Variants in NEO1 observed in about 807,000 individuals in gnomAD.
The protein encoded by NEO1 is neogenin.
Under a neutral mutation model 159.7 loss-of-function variants are expected in NEO1, and 63 were observed. The observed-to-expected ratio is 0.39, with a 90% CI of 0.32 to 0.49. The LOEUF (loss-of-function observed/expected upper bound fraction) is 0.49, where lower values mean the gene tolerates loss of function less well. NEO1 is among the 20% of genes least tolerant of loss of function. NEO1 has a pLI of 0.85. For synonymous variants in NEO1, 633 were observed against 662.0 expected, an observed-to-expected ratio of 0.96 and a Z score of 0.67; for missense variants, 1,615 against 1,831.0, an observed-to-expected ratio of 0.88 and a Z score of 2.15.
In NEO1 at chr15:73,298,391, T is replaced by A; in HGVS notation, c.3945T>A (p.Ser1315=). 1.9e-6 allele frequency: 3 copies of A among 1,614,220 alleles called. No homozygotes were observed. Among genetic ancestry groups the A allele is most frequent in the Non-Finnish European group, 2.5e-6 (3 of 1,180,032 alleles). ...NTPSTDTMPA[S]SSQTCCTDHQ... ...CCAGCACTGACACCATGCCAGCCTC[T>A]TCGTCTCAAACATGCTGCACTGATC... Residue 1315 remains serine, a synonymous_variant, in exon 27 of 29, where the codon TCT becomes TCA. Coordinates refer to ENST00000261908, the MANE Select transcript of NEO1 (RefSeq NM_002499.4).
Position 73,074,564 on chromosome 15 carries a change from G to A in NEO1, c.130+21759G>A, listed in dbSNP as rs116229838. ...ATAATATTATACAGTGTAATAAAATGGGTTTTCGATGTGTGAGGATACCCT... is the reference window on the plus strand; with the variant it reads ...ATAATATTATACAGTGTAATAAAATAGGTTTTCGATGTGTGAGGATACCCT... On this transcript the variant is annotated intron_variant, in intron 1 of 28. Transcript: ENST00000261908. Among the ~76,000 whole-genome samples the A allele has an allele frequency of 8.6e-3, 1,304 of 152,248 alleles. 22 individuals carry two copies. The highest frequency in any genetic ancestry group is 0.03 in the African/African-American group (1,229 of 41,544).
chr15:73,214,404 G>C (rs147208024), intron 7 of NEO1, among the ~76,000 whole-genome samples: 178 of 152,300 alleles, frequency 1.2e-3, no homozygotes, highest in African/African-American at 4.0e-3. Flanking sequence ...TATAGTGTCA[G>C]GTCTTAGATT....
intron 1 of NEO1, among the ~76,000 whole-genome samples, chr15:73,094,514 T>C (rs1383835716): frequency 1.3e-5 from 2 of 152,244 alleles, no homozygotes; most frequent in African/African-American, 4.8e-5. Flanking sequence ...CTATTATGAA[T>C]AATGCTGCAA....
intron 5 of NEO1, among the ~76,000 whole-genome samples, chr15:73,158,658 G>C (rs1367338867): frequency 6.6e-6 from 1 of 151,944 alleles, no homozygotes; most frequent in Non-Finnish European, 1.5e-5. Context: ...CCAAAATTCT[G>C]GGATTACAGT....
intron 9 of NEO1, among the ~76,000 whole-genome samples, chr15:73,247,798 A>G (rs1044341077): frequency 6.6e-6 from 1 of 152,230 alleles, no homozygotes; most frequent in Non-Finnish European, 1.5e-5. Context: ...GGATTTGTGT[A>G]TAAATTGGAA....
At chr15:73,222,482 G>A (rs1012357944) in intron 7 of NEO1, among the ~76,000 whole-genome samples, 1 of 152,008 alleles carries the variant, frequency 6.6e-6, no homozygotes, top group African/African-American at 2.4e-5. Flanking sequence ...TTAAAGCTAG[G>A]AGGGTTGTAC....
chr15:73,183,654 C>T (rs978158330), intron 7 of NEO1, among the ~76,000 whole-genome samples: 1 of 152,124 alleles, frequency 6.6e-6, no homozygotes, highest in African/African-American at 2.4e-5. Flanking sequence ...AGAATCCTAG[C>T]TGCCTCAACC....
At chr15:73,061,242 G>A (rs1336664981) in intron 1 of NEO1, among the ~76,000 whole-genome samples, 2 of 152,170 alleles carry the variant, frequency 1.3e-5, no homozygotes, top group East Asian at 3.9e-4. Context: ...CTTAAAATAA[G>A]CGTAAGAACA....
intron 7 of NEO1, among the ~76,000 whole-genome samples, chr15:73,220,885 C>G (rs1424387403): frequency 1.3e-5 from 2 of 152,178 alleles, no homozygotes; most frequent in African/African-American, 4.8e-5. Context: ...CCTCCTGTAG[C>G]TTGGAGTAGT....
intron 19 of NEO1, 68 bp from the exon 20 acceptor site, chr15:73,273,742 TA>T (rs1355720282): frequency 8.8e-7 from 1 of 1,132,520 alleles, no homozygotes; most frequent in African/African-American, 1.5e-5. Context: ...AATAGGTACT[TA>T]TTGATTTACT....
At chr15:73,216,198 T>C (rs1457528771) in intron 7 of NEO1, among the ~76,000 whole-genome samples, 1 of 152,108 alleles carries the variant, frequency 6.6e-6, no homozygotes. Flanking sequence ...TTTTTTGTTC[T>C]TGTGATAGTT....
chr15:73,235,498 G>A (rs1017600155), intron 7 of NEO1, among the ~76,000 whole-genome samples: 1 of 152,218 alleles, frequency 6.6e-6, no homozygotes, highest in Non-Finnish European at 1.5e-5. Context: ...TTGACTAGCA[G>A]CTTTGCCTCG....
intron 5 of NEO1, among the ~76,000 whole-genome samples, chr15:73,174,831 G>A (rs1283372701): frequency 2.0e-5 from 3 of 152,190 alleles, no homozygotes; most frequent in African/African-American, 2.4e-5. Flanking sequence ...GCTTGTCATT[G>A]TTTGAAAGGA....
At chr15:73,156,190 T>G (rs965428502) in intron 5 of NEO1, among the ~76,000 whole-genome samples, 7 of 152,222 alleles carry the variant, frequency 4.6e-5, no homozygotes, top group Admixed American at 4.6e-4. Context: ...GTATGCGCAG[T>G]GGCTTTAAGG....
At chr15:73,148,239 T>C (rs1485622358) in intron 5 of NEO1, among the ~76,000 whole-genome samples, 1 of 152,218 alleles carries the variant, frequency 6.6e-6, no homozygotes, top group Non-Finnish European at 1.5e-5. Context: ...ATCTTAGTAA[T>C]TTTAATTATA....
At chr15:73,198,089 T>C (rs1265543545) in intron 7 of NEO1, among the ~76,000 whole-genome samples, 1 of 152,216 alleles carries the variant, frequency 6.6e-6, no homozygotes, top group Admixed American at 6.5e-5. Flanking sequence ...TTATACTTAC[T>C]GTCCTTAGGA....
rs1230296224 is a variant in NEO1, at chr15:73,178,425, A to C, written c.1289A>C (p.His430Pro). The C allele has an allele frequency of 2.5e-6, 4 of 1,613,646 alleles. No individual in the cohort carries two copies. The East Asian group carries it at 8.9e-5, about 36-fold the overall frequency. Residue 430 changes from histidine to proline, a missense_variant and splice_region_variant, in exon 7 of 29, where the codon CAT becomes CCT. His to Pro is a moderately conservative substitution (Grantham distance 77, BLOSUM62 -2). This residue lies in a region of NEO1 where 1,018 missense variants were observed against 1,115.4 expected (regional missense o/e 0.91). Coordinates refer to ENST00000261908, the MANE Select transcript of NEO1 (RefSeq NM_002499.4). ...GGAGCCCAACTGATAATCCTTGAACATGGTAAGAAGGGCTGAAATAGTCAG... is the reference window on the plus strand; with the variant it reads ...GGAGCCCAACTGATAATCCTTGAACCTGGTAAGAAGGGCTGAAATAGTCAG... ...QAGAQLIILE[H>P]APATTGPLPS...
chr15:73,289,162 C>T lies in NEO1; in HGVS notation c.3666C>T (p.Asp1222=), dbSNP rs2042064665. Residue 1222 remains aspartate (D), a synonymous_variant, in exon 25 of 29, where the codon GAC becomes GAT. Coordinates refer to ENST00000261908, the MANE Select transcript of NEO1 (RefSeq NM_002499.4). Reference sequence around the variant, plus strand: ...AACATCTAGGGCATGAGTCAGAGGACAGCATGTCTACACTGGCTGGAAGGC... The same window carrying T: ...AACATCTAGGGCATGAGTCAGAGGATAGCATGTCTACACTGGCTGGAAGGC... ...RNSYRGHESE[D]SMSTLAGRRG... 5 of 1,614,012 alleles carry T rather than the reference C, an allele frequency of 3.1e-6. No individual in the cohort carries two copies. Among genetic ancestry groups the T allele is most frequent in the Non-Finnish European group, 4.2e-6 (5 of 1,179,966 alleles).
intron 1 of NEO1, among the ~76,000 whole-genome samples, chr15:73,112,156 A>T (rs1002738856): frequency 6.6e-6 from 1 of 151,742 alleles, no homozygotes; most frequent in East Asian, 1.9e-4. Context: ...TTCATTATTC[A>T]TTTTTCACAG....
Sources: gnomAD v4.1 joint callset for allele counts (sites outside exome capture counted in the v4.1 genomes callset) on GRCh38, gnomAD v4.1.1 for gene constraint, gnomAD v4.1.1 regional missense constraint, MANE v1.5 for transcripts, NCBI Gene and HGNC (gene_info 2026-07-23, HGNC 2026-07-21) for gene names.